The following UBL3 variants were observed in gnomAD, a reference collection of about 807,000 sequenced individuals.
UBL3 encodes the protein ubiquitin-like protein 3.
In UBL3, 6 loss-of-function variants were observed where a neutral mutation model predicts 18.4. That is an observed-to-expected ratio of 0.33 (90% CI 0.18 to 0.64). The LOEUF is 0.64. Among genes scored for constraint, UBL3 ranks in the 30% least tolerant of loss-of-function variants. The probability of loss-of-function intolerance (pLI) is 0.76; values close to 1 mark genes in which losing one functional copy is unlikely to be tolerated. For synonymous variants in UBL3, 49 were observed against 46.6 expected (o/e 1.05, Z -0.21); for missense variants, 109 against 142.9 (o/e 0.76, Z 1.21).
chr13:29,828,111 C>T (rs1165995867), intron 1 of UBL3, among the ~76,000 whole-genome samples: 1 of 152,166 alleles, frequency 6.6e-6, no homozygotes, highest in African/African-American at 2.4e-5. Context: ...CTGCCCTTAA[C>T]ATTTTTTCCT....
At chr13:29,776,407 C>A (rs1329355904) in intron 2 of UBL3, among the ~76,000 whole-genome samples, 1 of 151,462 alleles carries the variant, frequency 6.6e-6, no homozygotes, top group African/African-American at 2.4e-5. Context: ...GGACTACAGG[C>A]ATGTGCTACC....
rs1879332185 is a variant in UBL3 at position 29,850,077 on chromosome 13, C to T, written c.-539G>A. ...ACGCTGGCCGCGGACCCTGCAGAGC[C>T]GCTGTCGGAGCGCCCGCGCGGACAG... On this transcript the variant is annotated 5_prime_UTR_variant, in exon 1 of 5. Transcript: ENST00000380680. 6.6e-6 allele frequency: 1 copy of T among 152,552 alleles called. No individual in the cohort carries two copies. The allele number at this position is 152,552 out of a possible 1,614,324, so 9.4% of individuals were successfully genotyped here. A position where few individuals can be genotyped will look rare whatever the true frequency, so the allele number is the denominator to read the frequency against.
intron 2 of UBL3, among the ~76,000 whole-genome samples, chr13:29,772,670 C>A (rs1281453788): frequency 6.6e-6 from 1 of 151,964 alleles, no homozygotes; most frequent in Non-Finnish European, 1.5e-5. Flanking sequence ...AACAAAAAAA[C>A]TGTTTACTTT....
intron 1 of UBL3, among the ~76,000 whole-genome samples, chr13:29,809,842 G>A (rs879636393): frequency 1.3e-5 from 2 of 151,988 alleles, no homozygotes; most frequent in Admixed American, 1.3e-4. Flanking sequence ...ATATAACCTA[G>A]CACATCCTCC....
Position 29,764,481 on chromosome 13 carries a change from C to A in UBL3, c.*2774G>T, listed in dbSNP as rs1876609945. On this transcript the variant is annotated 3_prime_UTR_variant, in exon 5 of 5. Transcript: ENST00000380680. ...TACCACAATCAGCTAACAGAAATTA[C>A]TGTAACATTGGTCACGATGACTTCA... 1 of 152,150 alleles carries A rather than the reference C, an allele frequency of 6.6e-6. No individual in the cohort carries two copies. The highest frequency in any genetic ancestry group is 1.5e-5 in the Non-Finnish European group (1 of 68,034). 9.4% of individuals were successfully genotyped at this position (152,150 alleles called of 1,614,324 possible). A position where few individuals can be genotyped will look rare whatever the true frequency, so the allele number is the denominator to read the frequency against.
chr13:29,823,953 C>T (rs1308935985), intron 1 of UBL3, among the ~76,000 whole-genome samples: 10 of 149,926 alleles, frequency 6.7e-5, no homozygotes, highest in Admixed American at 2.0e-4. Context: ...TGAGAACATG[C>T]GGTGTTTGGT....
chr13:29,821,377 T>A (rs541730233), intron 1 of UBL3, among the ~76,000 whole-genome samples: 1 of 152,290 alleles, frequency 6.6e-6, no homozygotes, highest in African/African-American at 2.4e-5. Context: ...AAACTTAAAT[T>A]TGTCTTTATT....
At chr13:29,770,453 C>T (rs1161782517) in intron 3 of UBL3, among the ~76,000 whole-genome samples, 1 of 151,996 alleles carries the variant, frequency 6.6e-6, no homozygotes, top group Non-Finnish European at 1.5e-5. Flanking sequence ...AAAAATTATA[C>T]TTTAGTGGGA....
chr13:29,826,447 T>G (rs1234523595), intron 1 of UBL3, among the ~76,000 whole-genome samples: 1 of 152,216 alleles, frequency 6.6e-6, no homozygotes, highest in Non-Finnish European at 1.5e-5. Context: ...TGTCCAGGAA[T>G]TTATCCATTT....
chr13:29,828,704 T>C (rs1458059095), intron 1 of UBL3, among the ~76,000 whole-genome samples: 2 of 152,246 alleles, frequency 1.3e-5, no homozygotes, highest in Non-Finnish European at 2.9e-5. Flanking sequence ...TCCAGCTTTG[T>C]TCCCTTGCTG....
intron 1 of UBL3, among the ~76,000 whole-genome samples, chr13:29,833,983 C>T (rs546546793): frequency 2.0e-5 from 3 of 152,078 alleles, no homozygotes; most frequent in East Asian, 1.9e-4. Context: ...GTCAAGAGTT[C>T]GAGACCAGCC....
At chr13:29,822,731 G>T (rs929268112) in intron 1 of UBL3, among the ~76,000 whole-genome samples, 5 of 151,792 alleles carry the variant, frequency 3.3e-5, no homozygotes, top group Non-Finnish European at 7.4e-5. Context: ...AGGAAATACG[G>T]TACAGCTATG....
chr13:29,832,741 T>G (rs1253877647), intron 1 of UBL3, among the ~76,000 whole-genome samples: 2 of 152,206 alleles, frequency 1.3e-5, no homozygotes, highest in African/African-American at 4.8e-5. Context: ...GCAGCTATCC[T>G]GCCACTCTGG....
At chr13:29,820,865 A>AAT (rs1878417519) in intron 1 of UBL3, among the ~76,000 whole-genome samples, 1 of 152,288 alleles carries the variant, frequency 6.6e-6, no homozygotes, top group South Asian at 2.1e-4. Context: ...CCTTATTTCT[A>AAT]ATATATATAG....
At chr13:29,824,808 T>C (rs1593670197) in intron 1 of UBL3, among the ~76,000 whole-genome samples, 1 of 152,224 alleles carries the variant, frequency 6.6e-6, no homozygotes, top group East Asian at 1.9e-4. Flanking sequence ...TGGTACTGCC[T>C]AGGTTTTCTT....
At chr13:29,827,737 T>C (rs1878660742) in intron 1 of UBL3, among the ~76,000 whole-genome samples, 1 of 152,212 alleles carries the variant, frequency 6.6e-6, no homozygotes, top group Non-Finnish European at 1.5e-5. Flanking sequence ...GTTAGCTGGT[T>C]AGTTTGCTCA....
At chr13:29,792,382 C>T (rs1330579087) in intron 1 of UBL3, among the ~76,000 whole-genome samples, 1 of 152,000 alleles carries the variant, frequency 6.6e-6, no homozygotes, top group Non-Finnish European at 1.5e-5. Flanking sequence ...ATAATAAAAA[C>T]CAATTTCTCT....
rs547287605 is a variant in UBL3 at position 29,799,657 on chromosome 13, T to C, written c.28-22394A>G. 2.6e-5 allele frequency among the ~76,000 whole-genome samples: 4 copies of C among 152,254 alleles called. No homozygotes were observed. In the East Asian group the frequency reaches 5.8e-4, roughly 22 times the overall value. ...GACTGGATGTGCACAATTGCTGCCA[T>C]TGAAGGGAAAAAAAGAGTCAAATCC... On this transcript the variant is annotated intron_variant, in intron 1 of 4. Transcript: ENST00000380680.
chr13:29,819,723 G>A (rs759463207), intron 1 of UBL3, among the ~76,000 whole-genome samples: 22 of 152,024 alleles, frequency 1.4e-4, no homozygotes, highest in Non-Finnish European at 3.1e-4. Flanking sequence ...AAAGTTAGAA[G>A]AGAACCATAT....
Sources: gnomAD v4.1 joint callset for allele counts (sites outside exome capture counted in the v4.1 genomes callset) on GRCh38, gnomAD v4.1.1 for gene constraint, MANE v1.5 for transcripts, NCBI Gene and HGNC (gene_info 2026-07-23, HGNC 2026-07-21) for gene names.